The following PKHD1 variants were observed in gnomAD, a reference collection of about 807,000 sequenced individuals.
PKHD1 encodes fibrocystin.
Under a neutral mutation model 412.0 loss-of-function variants are expected in PKHD1, and 291 were observed. The ratio of observed to expected loss-of-function variants is 0.71; its 90% confidence interval spans 0.64 to 0.78. PKHD1 has a LOEUF of 0.78. Among genes scored for constraint, PKHD1 ranks in the 30% least tolerant of loss-of-function variants. PKHD1 has a pLI of 0.00. For synonymous variants in PKHD1, 1,777 were observed against 1,821.5 expected (o/e 0.98, Z 0.62); for missense variants, 4,825 against 4,950.7 (o/e 0.97, Z 0.76).
intron 60 of PKHD1, among the ~76,000 whole-genome samples, chr6:51,726,595 T>A (rs983708214): frequency 1.3e-5 from 2 of 152,222 alleles, no homozygotes; most frequent in African/African-American, 2.4e-5. Context: ...CAGCCCCATA[T>A]GAACTGTCAA....
chr6:51,703,235 T>C (rs1020794336), intron 60 of PKHD1, among the ~76,000 whole-genome samples: 1 of 152,032 alleles, frequency 6.6e-6, no homozygotes, highest in Non-Finnish European at 1.5e-5. Flanking sequence ...TCTAATTGAT[T>C]GAGGATCCTT....
chr6:51,759,558 G>A (rs139843067), intron 55 of PKHD1, among the ~76,000 whole-genome samples: 12 of 152,188 alleles, frequency 7.9e-5, no homozygotes, highest in Non-Finnish European at 1.8e-4. Context: ...AAAAAAAGAG[G>A]TTGAAATAAA....
chr6:52,029,651 C>T (rs140227916), intron 29 of PKHD1, among the ~76,000 whole-genome samples: 279 of 152,320 alleles, frequency 1.8e-3, no homozygotes, highest in Non-Finnish European at 2.9e-3. Context: ...AGAAATTTCA[C>T]GGTTTTATCC....
chr6:52,080,795 C>A (rs935974446), intron 4 of PKHD1, among the ~76,000 whole-genome samples: 1 of 151,988 alleles, frequency 6.6e-6, no homozygotes, highest in African/African-American at 2.4e-5. Flanking sequence ...AAAAGTATCT[C>A]ATTATTAATT....
intron 14 of PKHD1, 70 bp from the exon 15 acceptor site, chr6:52,060,112 C>T (rs1057347374): frequency 1.1e-5 from 9 of 822,704 alleles, no homozygotes; most frequent in Admixed American, 1.7e-5. Context: ...AAATGACTGC[C>T]CTTGTACTTT....
intron 60 of PKHD1, among the ~76,000 whole-genome samples, chr6:51,686,463 G>T (rs773985224): frequency 1.3e-5 from 2 of 152,152 alleles, no homozygotes; most frequent in Non-Finnish European, 2.9e-5. Flanking sequence ...AGGTGTTCCT[G>T]TGGCTCAATC....
intron 52 of PKHD1, among the ~76,000 whole-genome samples, chr6:51,798,521 A>C (rs1193884311): frequency 6.6e-6 from 1 of 152,128 alleles, no homozygotes; most frequent in Non-Finnish European, 1.5e-5. Flanking sequence ...TTCCTTTTGT[A>C]GGTCACCTAG....
At chr6:51,960,351 C>G (rs1194966819) in intron 35 of PKHD1, among the ~76,000 whole-genome samples, 2 of 152,036 alleles carry the variant, frequency 1.3e-5, no homozygotes, top group Non-Finnish European at 2.9e-5. Flanking sequence ...TGTTTTCTTG[C>G]CTTTTTTTTC....
chr6:51,787,074 C>T (rs1792988029), intron 53 of PKHD1, among the ~76,000 whole-genome samples: 1 of 152,104 alleles, frequency 6.6e-6, no homozygotes, highest in Non-Finnish European at 1.5e-5. Flanking sequence ...ACAAGCAGGA[C>T]CACCGGCTGG....
chr6:52,002,778 G>A (rs1030736941), intron 35 of PKHD1, among the ~76,000 whole-genome samples: 1 of 151,986 alleles, frequency 6.6e-6, no homozygotes, highest in African/African-American at 2.4e-5. Flanking sequence ...AATTAATTAG[G>A]GAATAAAAAG....
At chr6:51,629,607 A>T (rs1767690657) in intron 65 of PKHD1, among the ~76,000 whole-genome samples, 1 of 152,078 alleles carries the variant, frequency 6.6e-6, no homozygotes, top group South Asian at 2.1e-4. Context: ...GAAGAGAAAA[A>T]ACAAAAGCCA....
intron 54 of PKHD1, 120 bp downstream of exon 54, chr6:51,775,688 G>T (rs1239065332): frequency 1.1e-5 from 7 of 635,924 alleles, no homozygotes; most frequent in East Asian, 2.8e-5. Flanking sequence ...AATATAAATT[G>T]CCTAAAAGGG....
chr6:51,723,739 A>G (rs1926549), intron 60 of PKHD1, among the ~76,000 whole-genome samples: 28,681 of 152,100 alleles, frequency 0.19, 3,032 homozygotes, highest in African/African-American at 0.29. Context: ...AAGGCGAAAG[A>G]AAACATCTTA....
At chr6:52,033,307 G>C (rs192338696) in intron 28 of PKHD1, 142 bp from the exon 29 acceptor site, 4 of 713,754 alleles carry the variant, frequency 5.6e-6, no homozygotes, top group Admixed American at 2.1e-5. Flanking sequence ...CTACTTCCAA[G>C]TCTCTCTCTT....
chr6:51,872,175 TAGGGGAAAG>T (rs1776076531), intron 46 of PKHD1, among the ~76,000 whole-genome samples: 1 of 151,600 alleles, frequency 6.6e-6, no homozygotes, highest in Non-Finnish European at 1.5e-5. Flanking sequence ...GAGGAAAACA[TAGGGGAAAG>T]AATTATCAAA....
At position 51,722,114 on chromosome 6, in the gene PKHD1, C is replaced by T. The variant is rs1448685250; in HGVS notation, c.10156+22271G>A. On this transcript the variant is annotated intron_variant, in intron 60 of 66. Coordinates refer to ENST00000371117, the MANE Select transcript of PKHD1 (RefSeq NM_138694.4). Reference sequence around the variant, plus strand: ...TCTTCTCGGCATGCTTTCCACATTGCATCCAAATGAAAATACCCCACACCT... The same window carrying T: ...TCTTCTCGGCATGCTTTCCACATTGTATCCAAATGAAAATACCCCACACCT... 5 of 1,601,760 alleles carry T rather than the reference C, an allele frequency of 3.1e-6. No individual in the cohort carries two copies. The African/African-American group carries it at 5.4e-5, about 17-fold the overall frequency.
chr6:51,784,509 A>G (rs1217509286), intron 53 of PKHD1, among the ~76,000 whole-genome samples: 1 of 152,230 alleles, frequency 6.6e-6, no homozygotes, highest in African/African-American at 2.4e-5. Context: ...CAGAAATTGT[A>G]CAATGAGTTA....
intron 35 of PKHD1, among the ~76,000 whole-genome samples, chr6:51,996,408 A>G (rs1189839398): frequency 6.6e-6 from 1 of 152,040 alleles, no homozygotes; most frequent in Admixed American, 6.5e-5. Context: ...TCTTTTCTTT[A>G]TTATTAGAGG....
At chr6:51,794,753 C>G (rs1794328905) in intron 52 of PKHD1, among the ~76,000 whole-genome samples, 1 of 152,180 alleles carries the variant, frequency 6.6e-6, no homozygotes, top group South Asian at 2.1e-4. Flanking sequence ...AGCCAATTCT[C>G]CCAGCATCAT....
Sources: allele counts gnomAD v4.1 joint callset (sites outside exome capture counted in the v4.1 genomes callset), GRCh38; gene constraint gnomAD v4.1.1; transcripts MANE v1.5; gene names NCBI Gene and HGNC (gene_info 2026-07-23, HGNC 2026-07-21).